Variants in SPAM1 observed in about 807,000 individuals in gnomAD.
SPAM1 encodes the protein sperm adhesion molecule 1.
In SPAM1, 22 loss-of-function variants were observed where a neutral mutation model predicts 29.6. The observed-to-expected ratio is 0.74, with a 90% CI of 0.53 to 1.06. The LOEUF (loss-of-function observed/expected upper bound fraction) is 1.06, where lower values mean the gene tolerates loss of function less well. SPAM1 is among the 50% of genes least tolerant of loss of function. SPAM1 has a pLI of 0.00. For missense variants in SPAM1, 534 were observed against 604.0 expected (o/e 0.88, Z 1.21); for synonymous variants, 194 against 204.6 (o/e 0.95, Z 0.44).
intron 1 of SPAM1, among the ~76,000 whole-genome samples, chr7:123,941,420 A>G (rs1332474434): frequency 1.3e-5 from 2 of 152,214 alleles, no homozygotes; most frequent in African/African-American, 2.4e-5. Context: ...GGTCATAAGT[A>G]GATAAGAGAC....
intron 2 of SPAM1, among the ~76,000 whole-genome samples, chr7:123,952,191 T>G (rs1276990392): frequency 1.3e-5 from 2 of 152,138 alleles, no homozygotes; most frequent in Non-Finnish European, 2.9e-5. Context: ...ATTTAGCTAC[T>G]TTATATGTTC....
chr7:123,954,791 C>G (rs960407699), intron 3 of SPAM1, among the ~76,000 whole-genome samples: 1 of 151,072 alleles, frequency 6.6e-6, no homozygotes, highest in South Asian at 2.1e-4. Flanking sequence ...TCTTAGGCCT[C>G]GTCTCTTTTC....
Position 123,953,422 on chromosome 7 carries a change from T to A in SPAM1, c.-149T>A. ...AAACATGAAACAAGAATAATAATATTTAAATGTAACTTAATCATTATACCT... is the reference window on the plus strand; with the variant it reads ...AAACATGAAACAAGAATAATAATATATAAATGTAACTTAATCATTATACCT... On this transcript the variant is annotated 5_prime_UTR_variant, in exon 3 of 5. Coordinates refer to ENST00000682466, the MANE Select transcript of SPAM1 (RefSeq NM_153189.3). 2.0e-6 allele frequency: 1 copy of A among 501,510 alleles called. No homozygotes were observed. The highest frequency in any genetic ancestry group is 3.5e-6 in the Non-Finnish European group (1 of 288,852). 31.1% of individuals were successfully genotyped at this position (501,510 alleles called of 1,614,324 possible).
At chr7:123,942,240 TAGTC>T (rs1310433319) in intron 1 of SPAM1, among the ~76,000 whole-genome samples, 2 of 152,294 alleles carry the variant, frequency 1.3e-5, no homozygotes, top group East Asian at 1.9e-4. Flanking sequence ...TGTAGACTGG[TAGTC>T]AGGAAAAATT....
At chr7:123,936,815 A>G (rs577920699) in intron 1 of SPAM1, among the ~76,000 whole-genome samples, 32 of 152,272 alleles carry the variant, frequency 2.1e-4, no homozygotes, top group African/African-American at 7.7e-4. Flanking sequence ...TTTCCCTTTT[A>G]ATGAGAAGCA....
chr7:123,943,599 C>T lies in SPAM1; in HGVS notation c.-318-6273C>T, dbSNP rs971722398. ...CATTTTTTCATATTTGACAATACTT[C>T]CTGTATGATTTTATTATATCAAATA... is the stretch of plus-strand genomic sequence containing the variant. On this transcript the variant is annotated intron_variant, in intron 1 of 4. Coordinates refer to ENST00000682466, the MANE Select transcript of SPAM1 (RefSeq NM_153189.3). Among the ~76,000 whole-genome samples the T allele has an allele frequency of 4.6e-5, 7 of 151,986 alleles. No individual in the cohort carries two copies. In the South Asian group the frequency reaches 1.2e-3, roughly 27 times the overall value.
chr7:123,956,908 A>G (rs1401512643), intron 4 of SPAM1, among the ~76,000 whole-genome samples: 1 of 151,984 alleles, frequency 6.6e-6, no homozygotes, highest in Non-Finnish European at 1.5e-5. Flanking sequence ...TATATATACA[A>G]ATGATAAGAA....
intron 2 of SPAM1, among the ~76,000 whole-genome samples, chr7:123,950,802 T>C (rs117489272): frequency 1.3e-5 from 2 of 152,228 alleles, no homozygotes; most frequent in Non-Finnish European, 2.9e-5. Flanking sequence ...CGAGGATGAT[T>C]GGTAGTTCTA....
At chr7:123,958,449 C>T (rs2253692) in intron 4 of SPAM1, among the ~76,000 whole-genome samples, 57,631 of 151,832 alleles carry the variant, frequency 0.38, 11,178 homozygotes, top group Admixed American at 0.44. Flanking sequence ...CTATATATAA[C>T]ATTTAATAGA....
chr7:123,940,618 A>G (rs1384174247), intron 1 of SPAM1, among the ~76,000 whole-genome samples: 2 of 151,974 alleles, frequency 1.3e-5, no homozygotes, highest in Non-Finnish European at 2.9e-5. Context: ...CCTCCCCAGT[A>G]GCTGGTACTA....
intron 4 of SPAM1, among the ~76,000 whole-genome samples, chr7:123,957,416 G>C (rs1792272136): frequency 6.6e-6 from 1 of 151,986 alleles, no homozygotes; most frequent in African/African-American, 2.4e-5. Flanking sequence ...ATCTAAGGTA[G>C]AATGGATGTG....
At chr7:123,968,788 A>C (rs941525171) in intron 5 of SPAM1, among the ~76,000 whole-genome samples, 7 of 152,064 alleles carry the variant, frequency 4.6e-5, no homozygotes, top group African/African-American at 1.7e-4. Context: ...CAGGTTACAT[A>C]ACTTGTCCGT....
Position 123,953,845 on chromosome 7 carries a change from A to T in SPAM1, c.275A>T (p.Tyr92Phe), listed in dbSNP as rs1189739873. ...ACCGGGCAAGGTGTTACAATATTTT[A>T]TGTTGATAGACTTGGCTACTATCCT... ...NATGQGVTIF[Y>F]VDRLGYYPYI... The change falls in exon 3 of 5, where the codon TAT (tyrosine) becomes TTT (phenylalanine). Residue 92 changes from tyrosine to phenylalanine, a missense_variant. Coordinates refer to ENST00000682466, the MANE Select transcript of SPAM1 (RefSeq NM_153189.3). 6.2e-7 allele frequency: 1 copy of T among 1,613,548 alleles called. No homozygotes were observed. Among genetic ancestry groups the T allele is most frequent in the Non-Finnish European group, 8.5e-7 (1 of 1,179,786 alleles).
At chr7:123,933,050 TTA>T (rs1361814283) in intron 1 of SPAM1, among the ~76,000 whole-genome samples, 24 of 151,488 alleles carry the variant, frequency 1.6e-4, no homozygotes, top group African/African-American at 5.8e-4. Flanking sequence ...ATTATTTATT[TTA>T]TTTTTTTTTT....
intron 1 of SPAM1, among the ~76,000 whole-genome samples, chr7:123,935,439 A>G (rs529028296): frequency 6.6e-6 from 1 of 152,336 alleles, no homozygotes; most frequent in South Asian, 2.1e-4. Context: ...ACTAAAGCAC[A>G]GTGAAGTGAA....
At chr7:123,928,660 C>T (rs1807971805) in intron 1 of SPAM1, among the ~76,000 whole-genome samples, 1 of 152,120 alleles carries the variant, frequency 6.6e-6, no homozygotes, top group South Asian at 2.1e-4. Flanking sequence ...CTGAAAAATC[C>T]AGTTCTTGAT....
Position 123,960,034 on chromosome 7 carries a change from T to A in SPAM1, c.*65T>A. 2 of 1,512,574 alleles carry A rather than the reference T, an allele frequency of 1.3e-6. No individual in the cohort carries two copies. Among genetic ancestry groups the A allele is most frequent in the African/African-American group, 1.4e-5 (1 of 71,932 alleles). The allele number at this position is 1,512,574 out of a possible 1,614,324, so 93.7% of individuals were successfully genotyped here. On this transcript the variant is annotated 3_prime_UTR_variant, in exon 5 of 5. Coordinates refer to ENST00000682466, the MANE Select transcript of SPAM1 (RefSeq NM_153189.3). ...AAGTGTGCTTTTTCGACTAATTAAA[T>A]CTTTGAAAAGAACAGCTCTTGTTGA...
At position 123,959,877 on chromosome 7, in the gene SPAM1, A is replaced by G. The variant is rs543872095; in HGVS notation, c.1438A>G (p.Ile480Val). The G allele has an allele frequency of 6.2e-7, 1 of 1,612,920 alleles. No individual in the cohort carries two copies. Among genetic ancestry groups the G allele is most frequent in the African/African-American group, 1.3e-5 (1 of 74,900 alleles). ...TCCCATGGAGACAGAAGAACCTCAA[A>G]TTTTCTACAATGCTTCACCCTCCAC... The part of the protein sequence containing the change: ...KPPMETEEPQ[I>V]FYNASPSTLS... The change falls in exon 5 of 5, where the codon ATT (isoleucine) becomes GTT (valine). Residue 480 changes from isoleucine (I) to valine (V), a missense_variant. Physicochemically the swap from Ile to Val is conservative, Grantham distance 29 (BLOSUM62 3). Coordinates refer to ENST00000682466, the MANE Select transcript of SPAM1 (RefSeq NM_153189.3).
At chr7:123,963,873 A>T (rs1400458979), downstream of SPAM1, among the ~76,000 whole-genome samples, 1 of 151,952 alleles carries the variant, frequency 6.6e-6, no homozygotes, top group African/African-American at 2.4e-5. Context: ...AAGACTAGAG[A>T]AAGTAAACAA....
Sources: allele counts gnomAD v4.1 joint callset (sites outside exome capture counted in the v4.1 genomes callset), GRCh38; gene constraint gnomAD v4.1.1; transcripts MANE v1.5; gene names NCBI Gene and HGNC (gene_info 2026-07-23, HGNC 2026-07-21).